Variants in CDKAL1 observed in about 807,000 individuals in gnomAD.
CDKAL1 encodes the protein threonylcarbamoyladenosine tRNA methylthiotransferase.
Under a neutral mutation model 68.2 loss-of-function variants are expected in CDKAL1, and 32 were observed. The ratio of observed to expected loss-of-function variants is 0.47; its 90% CI spans 0.35 to 0.63. The LOEUF (loss-of-function observed/expected upper bound fraction) is 0.63, where lower values mean the gene tolerates loss of function less well. CDKAL1 is among the 30% of genes least tolerant of loss of function. The pLI is 0.00. For missense variants in CDKAL1, 606 were observed against 696.7 expected (o/e 0.87, Z 1.47); for synonymous variants, 234 against 244.3 (o/e 0.96, Z 0.39).
chr6:21,115,615 T>C (rs1283437165), intron 13 of CDKAL1, among the ~76,000 whole-genome samples: 1 of 152,224 alleles, frequency 6.6e-6, no homozygotes, highest in Non-Finnish European at 1.5e-5. Flanking sequence ...GTTTAAAAAG[T>C]AATTTTAGGG....
chr6:21,021,566 C>A (rs1032356313), intron 11 of CDKAL1, among the ~76,000 whole-genome samples: 2 of 152,114 alleles, frequency 1.3e-5, no homozygotes, highest in East Asian at 1.9e-4. Context: ...CTAAGTTGAA[C>A]GTACAGTTCA....
chr6:20,998,866 C>G (rs1767266504), intron 10 of CDKAL1, among the ~76,000 whole-genome samples: 1 of 152,150 alleles, frequency 6.6e-6, no homozygotes. Flanking sequence ...TTTTAAACAA[C>G]CGCTGCTAAG....
At chr6:21,015,588 A>G (rs1180587406) in intron 11 of CDKAL1, among the ~76,000 whole-genome samples, 2 of 152,024 alleles carry the variant, frequency 1.3e-5, no homozygotes, top group Non-Finnish European at 2.9e-5. Context: ...CAATTCTGCT[A>G]ATTGGGTTTC....
chr6:20,557,006 C>G (rs1245219392), intron 4 of CDKAL1, among the ~76,000 whole-genome samples: 1 of 146,478 alleles, frequency 6.8e-6, no homozygotes, highest in Non-Finnish European at 1.5e-5. Context: ...CCACTGTACT[C>G]CAGCCTGGGC....
At chr6:21,146,795 G>A (rs1185331815) in intron 13 of CDKAL1, among the ~76,000 whole-genome samples, 1 of 144,048 alleles carries the variant, frequency 6.9e-6, no homozygotes, top group Admixed American at 7.3e-5. Context: ...AGCTTGCAGT[G>A]AGCCAAGATC....
At chr6:20,933,798 T>C (rs925390002) in intron 9 of CDKAL1, among the ~76,000 whole-genome samples, 2 of 152,244 alleles carry the variant, frequency 1.3e-5, no homozygotes, top group Non-Finnish European at 2.9e-5. Flanking sequence ...GGTACATTTC[T>C]TGCATAAAGG....
In CDKAL1 at chr6:21,045,878, T is replaced by C. The variant is rs76599874; in HGVS notation, c.1056-19170T>C. Among the ~76,000 whole-genome samples, 677 of 152,306 alleles carry C rather than the reference T, an allele frequency of 4.4e-3. 4 individuals carry two copies. Among genetic ancestry groups the C allele is most frequent in the African/African-American group, 0.015 (622 of 41,570 alleles). ...CAAGTCACTATTCAATGACACCTGA[T>C]AGTCATTGTTTCTGAGAAAGGGGGC... On this transcript the variant is annotated intron_variant, in intron 11 of 15. Transcript: ENST00000274695.
At chr6:21,144,632 A>C (rs1313056312) in intron 13 of CDKAL1, among the ~76,000 whole-genome samples, 2 of 65,408 alleles carry the variant, frequency 3.1e-5, no homozygotes, top group African/African-American at 1.1e-4. Flanking sequence ...AAAAAATACC[A>C]AAAAAAAAAA....
At chr6:20,609,264 C>CTT (rs1554162612) in intron 4 of CDKAL1, among the ~76,000 whole-genome samples, 4 of 79,940 alleles carry the variant, frequency 5.0e-5, no homozygotes, top group Non-Finnish European at 7.9e-5. Context: ...CTCCTTCCTT[C>CTT]CTCCTCCTTC....
intron 13 of CDKAL1, among the ~76,000 whole-genome samples, chr6:21,192,744 A>C (rs750692589): frequency 2.6e-5 from 4 of 152,116 alleles, no homozygotes; most frequent in Non-Finnish European, 5.9e-5. Flanking sequence ...CTATATGCCT[A>C]TAAACAAATC....
chr6:20,620,687 A>G (rs1338962092), intron 4 of CDKAL1, among the ~76,000 whole-genome samples: 1 of 150,714 alleles, frequency 6.6e-6, no homozygotes, highest in Non-Finnish European at 1.5e-5. Flanking sequence ...CCTGTCTAAC[A>G]CCGAATTTTT....
At chr6:20,873,900 G>A (rs1172893194) in intron 9 of CDKAL1, among the ~76,000 whole-genome samples, 4 of 152,244 alleles carry the variant, frequency 2.6e-5, no homozygotes, top group African/African-American at 7.2e-5. Context: ...GTTGCTAAGG[G>A]GAGGTGAAAG....
chr6:20,959,355 A>G (rs1051420503), intron 10 of CDKAL1, among the ~76,000 whole-genome samples: 1 of 152,226 alleles, frequency 6.6e-6, no homozygotes, highest in Non-Finnish European at 1.5e-5. Context: ...AGCTTATACA[A>G]TGCTGTAGTA....
At chr6:20,799,045 T>TTTTTTG (rs1776247781) in intron 8 of CDKAL1, among the ~76,000 whole-genome samples, 1 of 104,402 alleles carries the variant, frequency 9.6e-6, no homozygotes, top group South Asian at 3.8e-4. Flanking sequence ...ACTGAGTTTT[T>TTTTTTG]TTTTTTTTTT....
intron 4 of CDKAL1, among the ~76,000 whole-genome samples, chr6:20,617,371 T>A (rs1435393573): frequency 1.3e-5 from 2 of 152,204 alleles, no homozygotes; most frequent in Non-Finnish European, 1.5e-5. Flanking sequence ...AATGTATGGA[T>A]AGGACCTAGG....
At chr6:20,869,691 G>T (rs890374548) in intron 9 of CDKAL1, among the ~76,000 whole-genome samples, 1 of 152,094 alleles carries the variant, frequency 6.6e-6, no homozygotes, top group Admixed American at 6.5e-5. Flanking sequence ...TTATACGAAT[G>T]CTTTCACATA....
At chr6:20,931,665 A>G (rs1258511783) in intron 9 of CDKAL1, among the ~76,000 whole-genome samples, 1 of 152,226 alleles carries the variant, frequency 6.6e-6, no homozygotes, top group African/African-American at 2.4e-5. Flanking sequence ...TGCCCTTCCT[A>G]AAAGGTGAAA....
intron 5 of CDKAL1, among the ~76,000 whole-genome samples, chr6:20,660,440 T>C (rs1227775713): frequency 3.9e-5 from 6 of 152,220 alleles, no homozygotes; most frequent in Non-Finnish European, 7.3e-5. Flanking sequence ...CCTTGACAGA[T>C]ACAGGCTGTG....
chr6:20,978,455 A>G (rs1765954465), intron 10 of CDKAL1, among the ~76,000 whole-genome samples: 2 of 152,218 alleles, frequency 1.3e-5, no homozygotes, highest in South Asian at 4.1e-4. Context: ...AGACTGAAGG[A>G]GGCTATTTGA....
Sources: allele counts gnomAD v4.1 joint callset (sites outside exome capture counted in the v4.1 genomes callset), GRCh38; gene constraint gnomAD v4.1.1; transcripts MANE v1.5; gene names NCBI Gene and HGNC (gene_info 2026-07-23, HGNC 2026-07-21).